Variants in FBXL2 observed in about 807,000 individuals in gnomAD.
FBXL2 encodes F-box/LRR-repeat protein 2.
In FBXL2, 38 loss-of-function variants were observed where a neutral mutation model predicts 69.2. That is an observed-to-expected ratio of 0.55 (90% CI 0.42 to 0.72). The LOEUF (loss-of-function observed/expected upper bound fraction) is 0.72. FBXL2 is among the 30% of genes least tolerant of loss of function. The pLI, the probability that FBXL2 is intolerant of heterozygous loss-of-function variation, is 0.00. For synonymous variants in FBXL2, 192 were observed against 201.3 expected, an observed-to-expected ratio of 0.95 and a Z score of 0.39; for missense variants, 354 against 520.3, an observed-to-expected ratio of 0.68 and a Z score of 3.11.
intron 2 of FBXL2, among the ~76,000 whole-genome samples, chr3:33,315,169 C>G: frequency 6.6e-6 from 1 of 151,744 alleles, no homozygotes; most frequent in East Asian, 1.9e-4. Context: ...TCCCTCCCTT[C>G]CCTGTCTTTC....
chr3:33,376,618 A>T (rs996741105), intron 10 of FBXL2, among the ~76,000 whole-genome samples: 6 of 152,226 alleles, frequency 3.9e-5, no homozygotes, highest in Non-Finnish European at 5.9e-5. Flanking sequence ...CAAATTTTTT[A>T]AATTTCCTTT....
intron 1 of FBXL2, among the ~76,000 whole-genome samples, chr3:33,292,872 T>C (rs1379742916): frequency 1.3e-5 from 2 of 152,194 alleles, no homozygotes; most frequent in African/African-American, 4.8e-5. Flanking sequence ...GACTAAGTTA[T>C]AATAAAAATT....
At chr3:33,419,123 T>C in the FBXL2 span, among the ~76,000 whole-genome samples, 2 of 152,330 alleles carry the variant, frequency 1.3e-5, no homozygotes, top group South Asian at 4.1e-4. Flanking sequence ...GGATTACTCC[T>C]GATTTTTGAT....
At chr3:33,291,472 C>G (rs1159052930) in intron 1 of FBXL2, among the ~76,000 whole-genome samples, 1 of 151,880 alleles carries the variant, frequency 6.6e-6, no homozygotes, top group African/African-American at 2.4e-5. Context: ...ATATAAGGGA[C>G]CTTTTAAAAT....
intron 1 of FBXL2, among the ~76,000 whole-genome samples, chr3:33,290,478 A>C (rs945364044): frequency 6.6e-6 from 1 of 152,260 alleles, no homozygotes; most frequent in African/African-American, 2.4e-5. Flanking sequence ...GTGATGGCCC[A>C]GATGTTGAAC....
chr3:33,353,417 A>G (rs1256451707), intron 2 of FBXL2, among the ~76,000 whole-genome samples: 2 of 152,276 alleles, frequency 1.3e-5, no homozygotes, highest in South Asian at 2.1e-4. Flanking sequence ...ACAAACTGGT[A>G]TATTCACACA....
intron 4 of FBXL2, among the ~76,000 whole-genome samples, chr3:33,363,243 G>A (rs2041750384): frequency 6.6e-6 from 1 of 152,148 alleles, no homozygotes; most frequent in Admixed American, 6.5e-5. Flanking sequence ...GTTTCACCAT[G>A]TTGGCCAGGC....
intron 2 of FBXL2, among the ~76,000 whole-genome samples, chr3:33,319,015 TC>T (rs2037961104): frequency 6.6e-6 from 1 of 152,206 alleles, no homozygotes; most frequent in Admixed American, 6.5e-5. Flanking sequence ...AACACGAACT[TC>T]ATTATTTGTA....
chr3:33,351,822 G>A (rs183049463), intron 2 of FBXL2, among the ~76,000 whole-genome samples: 5 of 151,972 alleles, frequency 3.3e-5, no homozygotes, highest in Non-Finnish European at 7.4e-5. Flanking sequence ...GTGGATGTTC[G>A]TAAAACCTGC....
chr3:33,277,427 G>A, upstream of FBXL2: 1 of 1,238,206 alleles, frequency 8.1e-7, no homozygotes, highest in African/African-American at 1.6e-5. Context: ...GGACGGGGCG[G>A]GGCGCCTGGC....
At chr3:33,411,777 C>T in the FBXL2 span, 3 of 1,034,464 alleles carry the variant, frequency 2.9e-6, no homozygotes, top group South Asian at 1.4e-5. Context: ...AATGAAATAA[C>T]TGTAACTGCT....
intron 2 of FBXL2, among the ~76,000 whole-genome samples, chr3:33,347,330 T>C (rs1317237101): frequency 6.6e-6 from 1 of 152,172 alleles, no homozygotes; most frequent in Non-Finnish European, 1.5e-5. Context: ...AATGTATATA[T>C]GTTGGATGTT....
intron 5 of FBXL2, among the ~76,000 whole-genome samples, chr3:33,366,050 A>AT (rs1450841666): frequency 1.3e-4 from 20 of 152,242 alleles, no homozygotes; most frequent in Non-Finnish European, 5.9e-5. Context: ...TCTTTTAAGT[A>AT]TAAAAACACT....
At chr3:33,377,667 T>C (rs1480939784) in intron 11 of FBXL2, among the ~76,000 whole-genome samples, 3 of 152,160 alleles carry the variant, frequency 2.0e-5, no homozygotes, top group Non-Finnish European at 4.4e-5. Context: ...CTGCAAACAC[T>C]GACCACTGGG....
intron 12 of FBXL2, among the ~76,000 whole-genome samples, chr3:33,398,867 G>A (rs539095926): frequency 2.1e-4 from 32 of 152,178 alleles, no homozygotes; most frequent in African/African-American, 6.5e-4. Flanking sequence ...CCAGCTCCCC[G>A]ACCCTGAAAT....
intron 2 of FBXL2, among the ~76,000 whole-genome samples, chr3:33,323,758 G>A (rs931447169): frequency 1.3e-5 from 2 of 152,100 alleles, no homozygotes; most frequent in Admixed American, 1.3e-4. Context: ...GAATAGTGCT[G>A]CAATAAACAT....
chr3:33,284,028 G>T (rs1395905254), intron 1 of FBXL2, among the ~76,000 whole-genome samples: 1 of 152,060 alleles, frequency 6.6e-6, no homozygotes, highest in Non-Finnish European at 1.5e-5. Flanking sequence ...TTTTTGAAGG[G>T]TTTTTTGTGT....
At chr3:33,296,293 C>A (rs2035745223) in intron 1 of FBXL2, among the ~76,000 whole-genome samples, 1 of 152,096 alleles carries the variant, frequency 6.6e-6, no homozygotes, top group Non-Finnish European at 1.5e-5. Context: ...CTTGAACTCC[C>A]AACCTCAAGC....
At chr3:33,365,485 G>A (rs573124741) in intron 5 of FBXL2, among the ~76,000 whole-genome samples, 32 of 152,140 alleles carry the variant, frequency 2.1e-4, no homozygotes, top group Middle Eastern at 3.4e-3. Context: ...TCACCATGTT[G>A]GCCACGCTGG....
Sources: allele counts gnomAD v4.1 joint callset (sites outside exome capture counted in the v4.1 genomes callset), GRCh38; gene constraint gnomAD v4.1.1; transcripts MANE v1.5; gene names NCBI Gene and HGNC (gene_info 2026-07-23, HGNC 2026-07-21).